Variants in DMD observed in about 807,000 individuals in gnomAD.
DMD encodes the protein mutant dystrophin.
DMD carries 63 observed loss-of-function variants against 330.1 expected under a neutral mutation model. The observed-to-expected ratio is 0.19, with a 90% CI of 0.16 to 0.24. The LOEUF (loss-of-function observed/expected upper bound fraction) is 0.24. DMD is among the 10% of genes least tolerant of loss of function. The pLI is 1.00. For missense variants in DMD, 3,344 were observed against 2,684.1 expected (o/e 1.25, Z -5.43); for synonymous variants, 1,223 against 959.8 (o/e 1.27, Z -5.07).
At chrX:31,435,177 G>T (rs2064419499) in intron 60 of DMD, among the ~76,000 whole-genome samples, 2 of 111,728 alleles carry the variant, frequency 1.8e-5, no homozygotes, top group African/African-American at 6.5e-5. Context: ...GTTACGTGAG[G>T]CTTAAAAGCA....
chrX:32,368,521 G>T (rs1315777136), intron 34 of DMD, among the ~76,000 whole-genome samples: 1 of 111,510 alleles, frequency 9.0e-6, no homozygotes, highest in African/African-American at 3.3e-5. Context: ...TAAACTAAAA[G>T]AATACATTTG....
At chrX:32,485,285 C>T (rs1182506035) in intron 20 of DMD, among the ~76,000 whole-genome samples, 186 bp from the exon 21 acceptor site, 1 of 111,472 alleles carries the variant, frequency 9.0e-6, no homozygotes, top group African/African-American at 3.3e-5. Flanking sequence ...GATACCTTGG[C>T]TCTTTGTTCA....
intron 76 of DMD, among the ~76,000 whole-genome samples, chrX:31,135,429 G>C (rs1432776315): frequency 8.9e-6 from 1 of 112,387 alleles, no homozygotes; most frequent in Non-Finnish European, 1.9e-5. Flanking sequence ...GCATATATTG[G>C]AGAGTTATGG....
chrX:32,242,031 G>C (rs779013575), intron 43 of DMD, among the ~76,000 whole-genome samples: 80 of 111,587 alleles, frequency 7.2e-4, no homozygotes, highest in African/African-American at 2.3e-3. Context: ...AGAGACCCAA[G>C]ATAAGATGAT....
intron 7 of DMD, among the ~76,000 whole-genome samples, chrX:32,740,997 C>A (rs1240736747): frequency 4.5e-5 from 5 of 111,058 alleles, no homozygotes; most frequent in Non-Finnish European, 9.4e-5. Context: ...CTGTACCTAC[C>A]CAGATATAGG....
At chrX:32,980,891 T>C (rs2092691853) in intron 2 of DMD, among the ~76,000 whole-genome samples, 1 of 111,812 alleles carries the variant, frequency 8.9e-6, no homozygotes, top group South Asian at 3.8e-4. Flanking sequence ...GTATGTTTGC[T>C]AATAATTTGC....
intron 4 of DMD, among the ~76,000 whole-genome samples, chrX:32,835,573 C>T (rs2079542335): frequency 8.9e-6 from 1 of 112,385 alleles, no homozygotes; most frequent in Admixed American, 9.5e-5. Flanking sequence ...CATGCTAAAA[C>T]AGCCACCACA....
At chrX:31,824,669 TA>T (rs1179565548) in intron 49 of DMD, among the ~76,000 whole-genome samples, 3 of 111,502 alleles carry the variant, frequency 2.7e-5, no homozygotes, top group African/African-American at 9.7e-5. Context: ...TTTAAAAGGA[TA>T]AAGCAGGAAA....
chrX:32,691,439 A>G (rs968476609), intron 9 of DMD, among the ~76,000 whole-genome samples: 8 of 111,756 alleles, frequency 7.2e-5, no homozygotes, highest in African/African-American at 2.3e-4. Context: ...ATTATGAATT[A>G]TCAGGGAAAT....
At chrX:32,542,307 C>T (rs1302946935) in intron 17 of DMD, among the ~76,000 whole-genome samples, 1 of 111,473 alleles carries the variant, frequency 9.0e-6, no homozygotes, top group Non-Finnish European at 1.9e-5. Flanking sequence ...GTGGAGGGTG[C>T]CTGTAATTCC....
chrX:32,182,834 C>T (rs2096932028), intron 44 of DMD, among the ~76,000 whole-genome samples: 1 of 111,250 alleles, frequency 9.0e-6, no homozygotes, highest in Non-Finnish European at 1.9e-5. Flanking sequence ...GTAGTTTTCC[C>T]CTTTAAGTTT....
At chrX:33,103,859 C>A (rs1289606973) in intron 1 of DMD, among the ~76,000 whole-genome samples, 3 of 111,820 alleles carry the variant, frequency 2.7e-5, no homozygotes, top group Non-Finnish European at 5.6e-5. Flanking sequence ...GTCTTTGTAA[C>A]TCATGCACAT....
intron 55 of DMD, among the ~76,000 whole-genome samples, chrX:31,626,916 T>C (rs2078881737): frequency 9.0e-6 from 1 of 111,700 alleles, no homozygotes; most frequent in Non-Finnish European, 1.9e-5. Context: ...AGTAAAGTTA[T>C]TATATCAAGT....
At chrX:32,418,352 C>T (rs765366551) in intron 29 of DMD, among the ~76,000 whole-genome samples, 8 of 110,852 alleles carry the variant, frequency 7.2e-5, no homozygotes, top group Non-Finnish European at 1.3e-4. Context: ...AAATGGTTTA[C>T]GGGAGGTCTG....
intron 52 of DMD, among the ~76,000 whole-genome samples, chrX:31,721,589 A>G (rs1429615973): frequency 4.4e-5 from 4 of 90,845 alleles, no homozygotes; most frequent in Non-Finnish European, 8.6e-5. Flanking sequence ...CTTAAAATCA[A>G]TCTCTCTCTC....
At chrX:32,353,372 T>G (rs1426894721) in intron 37 of DMD, among the ~76,000 whole-genome samples, 2 of 111,965 alleles carry the variant, frequency 1.8e-5, no homozygotes, top group Non-Finnish European at 3.8e-5. Context: ...GCGTTTATAA[T>G]TTAACAGCTC....
intron 47 of DMD, among the ~76,000 whole-genome samples, chrX:31,917,586 A>C (rs2094625978): frequency 8.9e-6 from 1 of 112,795 alleles, no homozygotes; most frequent in Non-Finnish European, 1.9e-5. Context: ...TTCTCTCACC[A>C]CAAAGTTCAA....
intron 2 of DMD, among the ~76,000 whole-genome samples, chrX:33,006,046 A>T (rs6631710): frequency 9.1e-6 from 1 of 110,487 alleles, no homozygotes; most frequent in Admixed American, 9.7e-5. Context: ...TCTAAAAAAT[A>T]TACAAGATCT....
intron 51 of DMD, among the ~76,000 whole-genome samples, chrX:31,763,292 G>A (rs1481292916): frequency 6.2e-5 from 7 of 112,574 alleles, no homozygotes; most frequent in East Asian, 2.8e-4. Context: ...AGCCGGGCAC[G>A]GTGGCTCACG....
Sources: allele counts gnomAD v4.1 joint callset (sites outside exome capture counted in the v4.1 genomes callset), GRCh38; gene constraint gnomAD v4.1.1; transcripts MANE v1.5; gene names NCBI Gene and HGNC (gene_info 2026-07-23, HGNC 2026-07-21).